Variants in TBL1X observed in about 807,000 individuals in gnomAD.
The protein encoded by TBL1X is F-box-like/WD repeat-containing protein TBL1X.
A neutral mutation model predicts 50.7 loss-of-function variants in TBL1X; 10 were observed. The ratio of observed to expected loss-of-function variants is 0.20; its 90% CI spans 0.12 to 0.33. TBL1X has a LOEUF of 0.33. Among genes scored for constraint, TBL1X ranks in the 10% least tolerant of loss-of-function variants. The pLI is 1.00. For missense variants in TBL1X, 340 were observed against 504.4 expected (o/e 0.67, Z 3.12); for synonymous variants, 190 against 214.7 (o/e 0.88, Z 1.01).
chrX:9,715,744 C>T (rs767339679), intron 17 of TBL1X, among the ~76,000 whole-genome samples: 6 of 111,840 alleles, frequency 5.4e-5, no homozygotes, highest in Non-Finnish European at 7.5e-5. Flanking sequence ...GGTGGCCATC[C>T]TGCAGGTCTC....
At chrX:9,553,490 G>A (rs773482076) in intron 2 of TBL1X, among the ~76,000 whole-genome samples, 3 of 112,077 alleles carry the variant, frequency 2.7e-5, no homozygotes, top group South Asian at 3.8e-4. Context: ...TGTGACAGCA[G>A]CAACAGGAAA....
At chrX:9,692,087 G>A (rs1400029616) in intron 8 of TBL1X, 26 bp from the exon 9 acceptor site, 27 of 1,211,701 alleles carry the variant, frequency 2.2e-5, no homozygotes, top group Non-Finnish European at 2.9e-5. Flanking sequence ...CCAAACACCA[G>A]AGGCTCCTGT....
intron 2 of TBL1X, among the ~76,000 whole-genome samples, chrX:9,564,438 A>AAGC (rs1555894868): frequency 3.8e-5 from 1 of 26,016 alleles, no homozygotes; most frequent in Admixed American, 5.0e-4. Flanking sequence ...AGCAGGAGAC[A>AAGC]AATTTTAGGA....
chrX:9,523,849 C>T (rs1206106464), intron 2 of TBL1X, among the ~76,000 whole-genome samples: 1 of 109,737 alleles, frequency 9.1e-6, no homozygotes, highest in African/African-American at 3.3e-5. Flanking sequence ...ATAAAGGAAG[C>T]GATTAAAAGT....
Position 9,709,331 on chromosome X carries a change from G to A in TBL1X, c.1311+9G>A, listed in dbSNP as rs775803240. The stretch of plus-strand genomic sequence containing the variant: ...ATGACATGACATTGAAGGTAGAGTC[G>A]GCATGGCAAGGGGTGGGCTGTTTAA... On this transcript the variant is annotated intron_variant, in intron 14 of 17. Coordinates refer to ENST00000645353, the MANE Select transcript of TBL1X (RefSeq NM_005647.4). 7.4e-6 allele frequency: 9 copies of A among 1,210,026 alleles called. No homozygotes were observed. Among genetic ancestry groups the A allele is most frequent in the South Asian group, 5.3e-5 (3 of 56,756 alleles).
intron 2 of TBL1X, among the ~76,000 whole-genome samples, chrX:9,619,517 G>T (rs182921621): frequency 8.9e-6 from 1 of 111,738 alleles, no homozygotes; most frequent in Non-Finnish European, 1.9e-5. Context: ...CTACCTTCCC[G>T]GTCTTGCTGC....
At chrX:9,517,826 T>C (rs1316294927) in intron 2 of TBL1X, among the ~76,000 whole-genome samples, 1 of 112,343 alleles carries the variant, frequency 8.9e-6, no homozygotes. Context: ...GTAAAGAGAC[T>C]GGGAGCGGCG....
chrX:9,643,064 T>C (rs1200349447), intron 3 of TBL1X, among the ~76,000 whole-genome samples: 1 of 112,048 alleles, frequency 8.9e-6, no homozygotes, highest in Admixed American at 9.4e-5. Context: ...GTCAGGACTT[T>C]TACGTAAGGA....
intron 2 of TBL1X, among the ~76,000 whole-genome samples, chrX:9,619,909 C>T (rs765239602): frequency 2.7e-5 from 3 of 112,449 alleles, no homozygotes; most frequent in South Asian, 7.4e-4. Context: ...CAGTGTCTGG[C>T]GGGAAACAGG....
intron 2 of TBL1X, among the ~76,000 whole-genome samples, chrX:9,578,786 A>T (rs2082425585): frequency 8.9e-6 from 1 of 112,256 alleles, no homozygotes; most frequent in Non-Finnish European, 1.9e-5. Flanking sequence ...AATATTGATG[A>T]TGATAACAAC....
chrX:9,538,317 C>T lies in TBL1X; in HGVS notation c.-131+36468C>T, dbSNP rs934856138. On this transcript the variant is annotated intron_variant, in intron 2 of 17. Coordinates refer to ENST00000645353, the MANE Select transcript of TBL1X (RefSeq NM_005647.4). ...TTTATGTTGCTCAATAGCAGAAAAG[C>T]GGTTCAGATTTCCTTTGGATATCAT... is the stretch of plus-strand genomic sequence containing the variant. 5.4e-5 allele frequency among the ~76,000 whole-genome samples: 6 copies of T among 111,696 alleles called. No homozygotes were observed. The Admixed American group carries it at 5.7e-4, about 11-fold the overall frequency.
intron 2 of TBL1X, among the ~76,000 whole-genome samples, chrX:9,606,774 G>A (rs2082585558): frequency 8.9e-6 from 1 of 112,128 alleles, no homozygotes; most frequent in Admixed American, 9.4e-5. Context: ...GCAATCAAAT[G>A]CAAACAGTTC....
At chrX:9,644,751 G>GTT (rs2082794594) in intron 3 of TBL1X, 3 of 111,074 alleles carry the variant, frequency 2.7e-5, no homozygotes, top group African/African-American at 6.6e-5. Context: ...CATTTCCCAG[G>GTT]TTCAAGTGAT....
rs774181046 is a variant in TBL1X, at chrX:9,546,803, A to ATTTTTTTT, written c.-131+44980_-131+44987dup. ...ATCACTATGGATTCATTTATTCTTA[A>ATTTTTTTT]TTTTTTTTTTTTTTTTTTTTTTTTT... On this transcript the variant is annotated intron_variant, in intron 2 of 17. Coordinates refer to ENST00000645353, the MANE Select transcript of TBL1X (RefSeq NM_005647.4). Among the ~76,000 whole-genome samples, 56 of 44,993 alleles carry ATTTTTTTT rather than the reference A, an allele frequency of 1.2e-3. 4 individuals carry two copies. The highest frequency in any genetic ancestry group is 2.3e-3 in the Admixed American group (6 of 2,568). The allele number at this position is 44,993 out of a possible 115,157, so 39.1% of individuals were successfully genotyped here.
intron 2 of TBL1X, among the ~76,000 whole-genome samples, chrX:9,558,504 C>T (rs1422381742): frequency 4.8e-5 from 5 of 104,778 alleles, no homozygotes; most frequent in Non-Finnish European, 7.8e-5. Flanking sequence ...GCAACAAGAG[C>T]GAAACTCCAT....
At chrX:9,673,712 A>G (rs1035725456) in intron 5 of TBL1X, among the ~76,000 whole-genome samples, 1 of 112,690 alleles carries the variant, frequency 8.9e-6, no homozygotes, top group Non-Finnish European at 1.9e-5. Context: ...TTTCAAATAC[A>G]GTTGGCCCTC....
intron 2 of TBL1X, among the ~76,000 whole-genome samples, chrX:9,544,110 A>G (rs1264187147): frequency 8.9e-6 from 1 of 112,111 alleles, no homozygotes; most frequent in Non-Finnish European, 1.9e-5. Context: ...CCCGTATCCC[A>G]AGAAATGTGT....
chrX:9,523,218 C>T (rs755047055), intron 2 of TBL1X, among the ~76,000 whole-genome samples: 34 of 112,141 alleles, frequency 3.0e-4, no homozygotes, highest in East Asian at 1.1e-3. Flanking sequence ...AGCTGTCACC[C>T]TTTCACCCTG....
intron 2 of TBL1X, among the ~76,000 whole-genome samples, chrX:9,623,218 C>T (rs1303913706): frequency 1.8e-5 from 2 of 112,087 alleles, no homozygotes; most frequent in Non-Finnish European, 3.8e-5. Flanking sequence ...TTAATATTTT[C>T]AGATGGCTAA....
Sources: gnomAD v4.1 joint callset for allele counts (sites outside exome capture counted in the v4.1 genomes callset) on GRCh38, gnomAD v4.1.1 for gene constraint, MANE v1.5 for transcripts, NCBI Gene and HGNC (gene_info 2026-07-23, HGNC 2026-07-21) for gene names.